Variants in FOXP3 observed in about 807,000 individuals in gnomAD.
The protein encoded by FOXP3 is forkhead box protein P3.
In FOXP3, 5 loss-of-function variants were observed where a neutral mutation model predicts 31.2. That is an observed-to-expected ratio of 0.16 (90% CI 0.08 to 0.34). FOXP3 has a LOEUF of 0.34. Ranked by LOEUF, FOXP3 falls within the 10% of genes least tolerant of loss-of-function variation. The pLI, the probability that FOXP3 is intolerant of heterozygous loss-of-function variation, is 1.00. For synonymous variants in FOXP3, 141 were observed against 148.8 expected, an observed-to-expected ratio of 0.95 and a Z score of 0.38; for missense variants, 251 against 363.0, an observed-to-expected ratio of 0.69 and a Z score of 2.51.
intron 1 of FOXP3, among the ~76,000 whole-genome samples, chrX:49,260,263 A>T (rs1030748513): frequency 2.7e-5 from 3 of 111,598 alleles, no homozygotes; most frequent in Non-Finnish European, 5.7e-5. Context: ...AGAGGCCTGG[A>T]GCAGCTTCTC....
At chrX:49,259,285 A>C in intron 1 of FOXP3, 3 of 524,423 alleles carry the variant, frequency 5.7e-6, no homozygotes, top group Non-Finnish European at 7.0e-6. Flanking sequence ...GTAGATAGAC[A>C]TGAAGAGTCT....
Position 49,251,366 on chromosome X carries a change from T to C in FOXP3, c.1264A>G (p.Ser422Gly). Residue 422 changes from serine to glycine, a missense_variant, in exon 12 of 12, where the codon AGC (serine) becomes GGC (glycine). Ser to Gly is a moderately conservative substitution (Grantham distance 56, BLOSUM62 0). Transcript: ENST00000376207. ...CCAGGTGTAGGGTTGGAACACCTGCTGGGCCTCTGGCTCCGTTTCTTGCGG... is the reference window on the plus strand; with the variant it reads ...CCAGGTGTAGGGTTGGAACACCTGCCGGGCCTCTGGCTCCGTTTCTTGCGG... ...EFRKKRSQRP[S>G]RCSNPTPGP 1.7e-6 allele frequency: 2 copies of C among 1,211,101 alleles called. No individual in the cohort carries two copies. The highest frequency in any genetic ancestry group is 2.2e-6 in the Non-Finnish European group (2 of 895,153).
chrX:49,251,538 C>T (rs891298483), intron 11 of FOXP3, 55 bp from the exon 12 acceptor site: 1 of 1,211,254 alleles, frequency 8.3e-7, no homozygotes. Context: ...AGGCCAGCAG[C>T]CACCACCAAC....
In FOXP3 at chrX:49,255,423, G is replaced by A. The variant is rs781919619; in HGVS notation, c.816+6C>T. 70 of 1,198,518 alleles carry A rather than the reference G, an allele frequency of 5.8e-5. No individual in the cohort carries two copies. The Middle Eastern group carries it at 3.4e-3, about 59-fold the overall frequency. ...GTCTGCCACCACCAGTCCTGGGGTCGCTCACCACAGATGAAGCCTTGGTCA... is the reference window on the plus strand; with the variant it reads ...GTCTGCCACCACCAGTCCTGGGGTCACTCACCACAGATGAAGCCTTGGTCA... On this transcript the variant is annotated splice_donor_region_variant and intron_variant, in intron 8 of 11. Transcript: ENST00000376207.
intron 6 of FOXP3, 144 bp downstream of exon 6, chrX:49,256,607 G>A (rs1463967513): frequency 3.9e-6 from 2 of 515,853 alleles, no homozygotes; most frequent in African/African-American, 4.6e-5. Context: ...AGTCAGGGAT[G>A]GAGCTGGGAT....
At chrX:49,253,480 A>G (rs1479706005) in intron 9 of FOXP3, among the ~76,000 whole-genome samples, 2 of 113,409 alleles carry the variant, frequency 1.8e-5, no homozygotes, top group Admixed American at 9.2e-5. Flanking sequence ...GATGACAGTC[A>G]AGGTCTCTGA....
chrX:49,258,806 G>A (rs1557116839), intron 1 of FOXP3, among the ~76,000 whole-genome samples: 1 of 112,212 alleles, frequency 8.9e-6, no homozygotes, highest in Admixed American at 9.4e-5. Flanking sequence ...TGGTGTGGAT[G>A]TGTCCTCTAT....
At chrX:49,252,320 T>C (rs2066039108) in intron 10 of FOXP3, among the ~76,000 whole-genome samples, 1 of 109,754 alleles carries the variant, frequency 9.1e-6, no homozygotes, top group African/African-American at 3.3e-5. Context: ...GTCAGGGACA[T>C]GGTTAGGTGG....
In FOXP3 at chrX:49,251,087, T is replaced by C; in HGVS notation, c.*247A>G. Reference sequence around the variant, plus strand: ...GGCTGCAGGGCTCGACTGGGGGGTGTGTCTGGGGCGGAGGTGGGGGCTGGG... The same window carrying C: ...GGCTGCAGGGCTCGACTGGGGGGTGCGTCTGGGGCGGAGGTGGGGGCTGGG... On this transcript the variant is annotated 3_prime_UTR_variant, in exon 12 of 12. Coordinates refer to ENST00000376207, the MANE Select transcript of FOXP3 (RefSeq NM_014009.4). 7.7e-6 allele frequency: 3 copies of C among 390,037 alleles called. No homozygotes were observed. The highest frequency in any genetic ancestry group is 1.3e-5 in the Non-Finnish European group (3 of 230,477). 32.1% of individuals were successfully genotyped at this position (390,037 alleles called of 1,213,427 possible). A position where few individuals can be genotyped will look rare whatever the true frequency, so the allele number is the denominator to read the frequency against.
At chrX:49,251,517 G>A (rs191800107) in intron 11 of FOXP3, 34 bp from the exon 12 acceptor site, 39 of 1,209,442 alleles carry the variant, frequency 3.2e-5, no homozygotes, top group East Asian at 1.2e-4. Context: ...GCAGGTGGGC[G>A]TCAACCTCTG....
chrX:49,255,800 T>G lies in FOXP3; in HGVS notation c.650A>C (p.His217Pro), dbSNP rs1045776635. 8.3e-7 allele frequency: 1 copy of G among 1,201,374 alleles called. No homozygotes were observed. The highest frequency in any genetic ancestry group is 2.2e-5 in the Admixed American group (1 of 45,124). Residue 217 changes from histidine to proline, a missense_variant and splice_region_variant, in exon 7 of 12, where the codon CAC becomes CCC. Physicochemically the swap from His to Pro is moderately conservative, Grantham distance 77 (BLOSUM62 -2). Around this residue, in one of 4 missense-constraint regions of FOXP3, gnomAD observed 152 missense variants for 188.1 expected, o/e 0.81. Coordinates refer to ENST00000376207, the MANE Select transcript of FOXP3 (RefSeq NM_014009.4). ...VFEEPEDFLK[H>P]CQADHLLDEK... is the part of the protein sequence containing the mutation. ...ATCCAGAAGATGGTCCGCCTGGCAG[T>G]GCCTAAGTAGGGAGAAGATTCCATG...
At chrX:49,251,810 G>A (rs2066034394) in intron 10 of FOXP3, 45 bp from the exon 11 acceptor site, 1 of 1,189,103 alleles carries the variant, frequency 8.4e-7, no homozygotes, top group Non-Finnish European at 1.1e-6. Context: ...CCCAAACTTG[G>A]GGTTTAGAGG....
Position 49,258,209 on chromosome X carries a change from C to A in FOXP3, c.210+87G>T, listed in dbSNP as rs2232366. The A allele has an allele frequency of 8.2e-4, 641 of 784,177 alleles. 6 individuals are homozygous for A. In the East Asian group the frequency reaches 0.02, roughly 25 times the overall value. 64.6% of individuals were successfully genotyped at this position (784,177 alleles called of 1,213,427 possible). A position where few individuals can be genotyped will look rare whatever the true frequency, so the allele number is the denominator to read the frequency against. ...CACTTCCTGTGCCCCAGCCAGCCCC[C>A]CTCCCGCCCAGTGCCACAGTAAAGG... On this transcript the variant is annotated intron_variant, in intron 2 of 11. Transcript: ENST00000376207.
At chrX:49,251,814 T>G (rs374337927) in intron 10 of FOXP3, 49 bp from the exon 11 acceptor site, 66 of 1,185,700 alleles carry the variant, frequency 5.6e-5, no homozygotes, top group Non-Finnish European at 7.2e-5. Context: ...AACTTGGGGT[T>G]TAGAGGGGCT....
chrX:49,256,823 G>A lies in FOXP3; in HGVS notation c.575C>T (p.Pro192Leu), dbSNP rs200396601. Residue 192 changes from proline to leucine, a missense_variant, in exon 6 of 12, where the codon CCA (proline) becomes CTA (leucine). Transcript: ENST00000376207. The part of the protein sequence containing the change: ...TLSAVPQSSY[P>L]LLANGVCKWP... ...CTTGCAGACACCATTTGCCAGCAGT[G>A]GGTAGGAGCTCTGGGGCACAGCCGA... 2 of 1,212,275 alleles carry A rather than the reference G, an allele frequency of 1.6e-6. No individual in the cohort carries two copies. The highest frequency in any genetic ancestry group is 2.3e-4 in the Middle Eastern group (1 of 4,355).
chrX:49,257,773 G>A lies in FOXP3; in HGVS notation c.211-5C>T. The A allele has an allele frequency of 8.6e-7, 1 of 1,159,184 alleles. No homozygotes were observed. The highest frequency in any genetic ancestry group is 1.2e-6 in the Non-Finnish European group (1 of 864,472). Reference sequence around the variant, plus strand: ...GACTAGGGGCAGTGTGGGCAGCTGGGCAGAAAGGCAGGTGGGTGAGAGGCC... The same window carrying A: ...GACTAGGGGCAGTGTGGGCAGCTGGACAGAAAGGCAGGTGGGTGAGAGGCC... On this transcript the variant is annotated splice_region_variant and splice_polypyrimidine_tract_variant and intron_variant, in intron 2 of 11. Transcript: ENST00000376207.
chrX:49,258,089 G>A (rs986260959), intron 2 of FOXP3, among the ~76,000 whole-genome samples: 10 of 111,802 alleles, frequency 8.9e-5, no homozygotes, highest in African/African-American at 3.3e-4. Context: ...TTGGGAGGTC[G>A]GGGAGAGCCT....
Position 49,250,671 on chromosome X carries a change from T to C in FOXP3, c.*663A>G, listed in dbSNP as rs1455357467. 2 of 274,709 alleles carry C rather than the reference T, an allele frequency of 7.3e-6. No homozygotes were observed. Among genetic ancestry groups the C allele is most frequent in the Non-Finnish European group, 1.4e-5 (2 of 147,413 alleles). The allele number at this position is 274,709 out of a possible 1,213,427, so 22.6% of individuals were successfully genotyped here. ...CACTGGGGGGCTGTGCGTGTGCATA[T>C]GCGTGAGATACACAGGTGAATTCTA... On this transcript the variant is annotated 3_prime_UTR_variant, in exon 12 of 12. Transcript: ENST00000376207.
intron 1 of FOXP3, among the ~76,000 whole-genome samples, chrX:49,258,810 C>T (rs2066093106): frequency 1.8e-5 from 2 of 112,154 alleles, no homozygotes; most frequent in African/African-American, 6.5e-5. Context: ...GTGGATGTGT[C>T]CTCTATGAGG....
Sources: gnomAD v4.1 joint callset for allele counts (sites outside exome capture counted in the v4.1 genomes callset) on GRCh38, gnomAD v4.1.1 for gene constraint, gnomAD v4.1.1 regional missense constraint, MANE v1.5 for transcripts, NCBI Gene and HGNC (gene_info 2026-07-23, HGNC 2026-07-21) for gene names.